RALGAPB: variants seen among roughly 807,000 people sequenced by gnomAD.
The protein encoded by RALGAPB is Ral GTPase activating protein non-catalytic subunit beta.
A neutral mutation model predicts 161.1 loss-of-function variants in RALGAPB; 25 were observed. The observed-to-expected ratio is 0.16, with a 90% confidence interval of 0.11 to 0.22. The LOEUF is 0.22. Ranked by LOEUF, RALGAPB falls within the 10% of genes least tolerant of loss-of-function variation. RALGAPB has a pLI of 1.00. For synonymous variants in RALGAPB, 629 were observed against 626.1 expected (o/e 1.00, Z -0.07); for missense variants, 1,391 against 1,815.2 (o/e 0.77, Z 4.25).
intron 5 of RALGAPB, among the ~76,000 whole-genome samples, chr20:38,502,181 G>A (rs960338683): frequency 6.6e-6 from 1 of 152,150 alleles, no homozygotes; most frequent in Non-Finnish European, 1.5e-5. Flanking sequence ...ATTGCAATGA[G>A]CTCAGGTGTT....
In RALGAPB at chr20:38,516,556, T is replaced by C. The variant is rs2086129598; in HGVS notation, c.1051+186T>C. On this transcript the variant is annotated intron_variant, in intron 7 of 29. Coordinates refer to ENST00000262879, the MANE Select transcript of RALGAPB (RefSeq NM_020336.4). ...GAGGGTTATCGTTTCTATGTAAATA[T>C]TTAGATTGGTGCAAAAGTAATTGCG... 8.2e-6 allele frequency: 5 copies of C among 613,140 alleles called. No homozygotes were observed. The South Asian group carries it at 1.7e-4, about 20-fold the overall frequency. The allele number at this position is 613,140 out of a possible 1,614,324, so 38.0% of individuals were successfully genotyped here. A position where few individuals can be genotyped will look rare whatever the true frequency, so the allele number is the denominator to read the frequency against.
chr20:38,511,250 G>A lies in RALGAPB; in HGVS notation c.872+2042G>A, dbSNP rs969895347. On this transcript the variant is annotated intron_variant, in intron 6 of 29. Transcript: ENST00000262879. ...GGTGAACAGCTAGCCAGACTCTGCC[G>A]AAGATGAGAATTGTATTAAGCTTGT... is the stretch of plus-strand genomic sequence containing the variant. Among the ~76,000 whole-genome samples the A allele has an allele frequency of 3.9e-5, 6 of 152,028 alleles. No homozygotes were observed. The South Asian group carries it at 6.2e-4, about 16-fold the overall frequency.
intron 1 of RALGAPB, among the ~76,000 whole-genome samples, chr20:38,479,144 CTT>C (rs2084891380): frequency 6.6e-6 from 1 of 152,048 alleles, no homozygotes; most frequent in Non-Finnish European, 1.5e-5. Context: ...TTTGATTTCT[CTT>C]GTCTTCCTCA....
intron 5 of RALGAPB, among the ~76,000 whole-genome samples, chr20:38,500,236 ACCATGTTTTTTTTTTTTT>A (rs2085540646): frequency 6.7e-6 from 1 of 149,480 alleles, no homozygotes; most frequent in Non-Finnish European, 1.5e-5. Flanking sequence ...CTTCACGGAT[ACCATGTTTTTTTTTTTTT>A]CCAAATTGAA....
intron 16 of RALGAPB, among the ~76,000 whole-genome samples, chr20:38,536,905 C>T (rs2086823586): frequency 3.3e-5 from 5 of 152,134 alleles, no homozygotes; most frequent in African/African-American, 7.2e-5. Flanking sequence ...CATAACTTTG[C>T]GAGAAGCAGT....
In RALGAPB at chr20:38,526,032, A is replaced by G. The variant is rs964652514; in HGVS notation, c.2040A>G (p.Gln680=). The G allele has an allele frequency of 2.5e-6, 4 of 1,613,842 alleles. No homozygotes were observed. Among genetic ancestry groups the G allele is most frequent in the Non-Finnish European group, 3.4e-6 (4 of 1,179,880 alleles). Reference sequence around the variant, plus strand: ...CTGAAACGGACCCCAACAACACCCAAATGATATTAGGTTTGTATTCACACG... The same window carrying G: ...CTGAAACGGACCCCAACAACACCCAGATGATATTAGGTTTGTATTCACACG... The part of the protein sequence containing the change: ...LQTETDPNNT[Q]MILGAMLNIV... The change falls in exon 13 of 30, where the codon CAA becomes CAG. Residue 680 remains glutamine, a synonymous_variant. Transcript: ENST00000262879.
intron 3 of RALGAPB, among the ~76,000 whole-genome samples, 173 bp downstream of exon 3, chr20:38,493,305 T>C (rs2085329439): frequency 6.6e-6 from 1 of 152,240 alleles, no homozygotes; most frequent in Admixed American, 6.5e-5. Context: ...ATGTAATGTT[T>C]ACTAGGAGTT....
At position 38,539,307 on chromosome 20, in the gene RALGAPB, C is replaced by T. The variant is rs529947898; in HGVS notation, c.2380-469C>T. On this transcript the variant is annotated intron_variant, in intron 16 of 29. Coordinates refer to ENST00000262879, the MANE Select transcript of RALGAPB (RefSeq NM_020336.4). ...GAGATTTGGAGGTGATAGATACATC[C>T]GCTGTCGATTGTGGTGATAGTTCAC... is the stretch of plus-strand genomic sequence containing the variant. Among the ~76,000 whole-genome samples, 58 of 152,252 alleles carry T rather than the reference C, an allele frequency of 3.8e-4. 1 individual carries two copies. The South Asian group carries it at 0.011, about 28-fold the overall frequency.
At chr20:38,533,359 A>T (rs2086713476) in intron 15 of RALGAPB, among the ~76,000 whole-genome samples, 1 of 152,154 alleles carries the variant, frequency 6.6e-6, no homozygotes, top group African/African-American at 2.4e-5. Flanking sequence ...TGCCCTGCCA[A>T]GTAAAACATT....
Position 38,546,468 on chromosome 20 carries a change from A to G in RALGAPB, c.2902+38A>G, listed in dbSNP as rs556725579. 1.9e-5 allele frequency: 31 copies of G among 1,612,406 alleles called. No individual in the cohort carries two copies. The South Asian group carries it at 2.7e-4, about 14-fold the overall frequency. The stretch of plus-strand genomic sequence containing the variant: ...TACTTTGAGCCTTCTCTACTGCTTA[A>G]TCAGTGTTACCAGTACCATGAAGCT... On this transcript the variant is annotated intron_variant, in intron 19 of 29. Coordinates refer to ENST00000262879, the MANE Select transcript of RALGAPB (RefSeq NM_020336.4).
At position 38,516,279 on chromosome 20, in the gene RALGAPB, A is replaced by G; in HGVS notation, c.960A>G (p.Gln320=). The G allele has an allele frequency of 6.2e-7, 1 of 1,613,996 alleles. No homozygotes were observed. The highest frequency in any genetic ancestry group is 8.5e-7 in the Non-Finnish European group (1 of 1,179,858). Residue 320 remains glutamine, a synonymous_variant, in exon 7 of 30, where the codon CAA becomes CAG. Coordinates refer to ENST00000262879, the MANE Select transcript of RALGAPB (RefSeq NM_020336.4). ...TCTTGAATGTGAGCGGAATGCCGCA[A>G]GAATTGAATCAGTATCCCTGCCTTA... ...EQFLNVSGMP[Q]ELNQYPCLKH...
chr20:38,543,229 A>G (rs2087032887), intron 18 of RALGAPB, among the ~76,000 whole-genome samples: 1 of 152,156 alleles, frequency 6.6e-6, no homozygotes, highest in Admixed American at 6.5e-5. Flanking sequence ...TTCTCTCACA[A>G]TTGCTGCTTT....
intron 23 of RALGAPB, among the ~76,000 whole-genome samples, chr20:38,560,106 G>T (rs1402369052): frequency 6.8e-6 from 1 of 147,112 alleles, no homozygotes; most frequent in Non-Finnish European, 1.5e-5. Flanking sequence ...TTATGAGAAA[G>T]TTTTTTTTTT....
At position 38,473,073 on chromosome 20, in the gene RALGAPB, A is replaced by C; in HGVS notation, c.-31+4A>C. 2.7e-6 allele frequency: 1 copy of C among 365,530 alleles called. No individual in the cohort carries two copies. Among genetic ancestry groups the C allele is most frequent in the Non-Finnish European group, 4.9e-6 (1 of 204,684 alleles). The allele number at this position is 365,530 out of a possible 1,614,324, so 22.6% of individuals were successfully genotyped here. Reference sequence around the variant, plus strand: ...CGGGCCCCGCCCGTCGCCTCAGGTAACCGGGCAGCCGGCCCCGCCGCGGCC... The same window carrying C: ...CGGGCCCCGCCCGTCGCCTCAGGTACCCGGGCAGCCGGCCCCGCCGCGGCC... On this transcript the variant is annotated splice_donor_region_variant and intron_variant, in intron 1 of 29. Coordinates refer to ENST00000262879, the MANE Select transcript of RALGAPB (RefSeq NM_020336.4).
chr20:38,516,978 G>A (rs914689657), intron 7 of RALGAPB, among the ~76,000 whole-genome samples: 6 of 152,136 alleles, frequency 3.9e-5, no homozygotes, highest in Non-Finnish European at 4.4e-5. Flanking sequence ...TGGCTGCCAC[G>A]TAACAACCAA....
intron 21 of RALGAPB, among the ~76,000 whole-genome samples, chr20:38,553,390 TCTG>T (rs2087446826): frequency 6.6e-6 from 1 of 152,176 alleles, no homozygotes; most frequent in Non-Finnish European, 1.5e-5. Context: ...TGGACAGTGA[TCTG>T]CAAGCGAGGG....
intron 2 of RALGAPB, among the ~76,000 whole-genome samples, chr20:38,490,467 C>T (rs1184876365): frequency 6.6e-6 from 1 of 151,874 alleles, no homozygotes; most frequent in South Asian, 2.1e-4. Context: ...CTCGGCCTCC[C>T]AAAGTGCTGG....
In RALGAPB at chr20:38,480,366, T is replaced by C. The variant is rs183201619; in HGVS notation, c.-31+7297T>C. On this transcript the variant is annotated intron_variant, in intron 1 of 29. Coordinates refer to ENST00000262879, the MANE Select transcript of RALGAPB (RefSeq NM_020336.4). ...TGAAGCAAGTTTCCTTTCTTTTATG[T>C]ATTTTCTTTTCTTTCTTTCTTTTTT... Among the ~76,000 whole-genome samples, 770 of 138,652 alleles carry C rather than the reference T, an allele frequency of 5.6e-3. 4 individuals carry two copies. Among genetic ancestry groups the C allele is most frequent in the Non-Finnish European group, 8.5e-3 (548 of 64,476 alleles). The allele number at this position is 138,652 out of a possible 152,430, so 91.0% of individuals were successfully genotyped here. A position where few individuals can be genotyped will look rare whatever the true frequency, so the allele number is the denominator to read the frequency against.
At chr20:38,500,342 T>C (rs2085548829) in intron 5 of RALGAPB, among the ~76,000 whole-genome samples, 1 of 152,118 alleles carries the variant, frequency 6.6e-6, no homozygotes, top group Non-Finnish European at 1.5e-5. Context: ...TGTGCCTCTG[T>C]CATATGTTGG....
Sources: gnomAD v4.1 joint callset for allele counts (sites outside exome capture counted in the v4.1 genomes callset) on GRCh38, gnomAD v4.1.1 for gene constraint, MANE v1.5 for transcripts, NCBI Gene and HGNC (gene_info 2026-07-23, HGNC 2026-07-21) for gene names.